Variants in SLC4A4 observed in about 807,000 individuals in gnomAD.
The protein encoded by SLC4A4 is electrogenic sodium bicarbonate cotransporter 1.
A neutral mutation model predicts 111.5 loss-of-function variants in SLC4A4; 27 were observed. That is an observed-to-expected ratio of 0.24 (90% confidence interval 0.18 to 0.33). The LOEUF (loss-of-function observed/expected upper bound fraction) is 0.33. SLC4A4 is among the 10% of genes least tolerant of loss of function. SLC4A4 has a pLI of 1.00. For synonymous variants in SLC4A4, 443 were observed against 463.4 expected, an observed-to-expected ratio of 0.96 and a Z score of 0.57; for missense variants, 909 against 1,315.5, an observed-to-expected ratio of 0.69 and a Z score of 4.78.
At chr4:71,097,689 AT>A (rs1225400147) in intron 2 of SLC4A4, among the ~76,000 whole-genome samples, 2 of 151,870 alleles carry the variant, frequency 1.3e-5, no homozygotes, top group Non-Finnish European at 1.5e-5. Flanking sequence ...AGCGTCTGTT[AT>A]TTTTTTGACT....
intron 9 of SLC4A4, among the ~76,000 whole-genome samples, 163 bp downstream of exon 9, chr4:71,447,896 T>C (rs1725377241): frequency 6.6e-6 from 1 of 152,206 alleles, no homozygotes; most frequent in African/African-American, 2.4e-5. Context: ...CCTATATGGT[T>C]TGCAAAAAGT....
At chr4:71,432,902 A>G (rs922568702) in intron 7 of SLC4A4, among the ~76,000 whole-genome samples, 1 of 152,058 alleles carries the variant, frequency 6.6e-6, no homozygotes, top group East Asian at 1.9e-4. Flanking sequence ...ACAACAATCC[A>G]TTGTATAAAA....
chr4:71,387,044 T>C (rs1436215213), intron 6 of SLC4A4, among the ~76,000 whole-genome samples: 1 of 152,236 alleles, frequency 6.6e-6, no homozygotes, highest in Non-Finnish European at 1.5e-5. Flanking sequence ...CTTTGGCTTC[T>C]GGGTATTCTG....
At chr4:71,261,308 C>T (rs961914435) in intron 3 of SLC4A4, among the ~76,000 whole-genome samples, 4 of 152,096 alleles carry the variant, frequency 2.6e-5, no homozygotes, top group Non-Finnish European at 4.4e-5. Context: ...TGAATTTAGT[C>T]GGCAGTTGTA....
rs1355033464 is a variant in SLC4A4, at chr4:71,571,525, A to G, written c.*3774A>G. 1.3e-5 allele frequency: 2 copies of G among 152,226 alleles called. No homozygotes were observed. The allele number at this position is 152,226 out of a possible 1,614,324, so 9.4% of individuals were successfully genotyped here. A position where few individuals can be genotyped will look rare whatever the true frequency, so the allele number is the denominator to read the frequency against. ...CAACCAGTCAAGTTGTGTTTTGGCC[A>G]GAGATTTAGATATGTCCAATTTCCT... is the stretch of plus-strand genomic sequence containing the variant. On this transcript the variant is annotated 3_prime_UTR_variant, in exon 26 of 26. Transcript: ENST00000264485.
chr4:71,371,855 AT>A (rs1311516808), intron 6 of SLC4A4, among the ~76,000 whole-genome samples: 1 of 152,160 alleles, frequency 6.6e-6, no homozygotes, highest in African/African-American at 2.4e-5. Context: ...TACAATACAC[AT>A]TTGTTGACCC....
intron 23 of SLC4A4, among the ~76,000 whole-genome samples, chr4:71,560,832 A>G (rs1736921053): frequency 2.0e-5 from 3 of 151,770 alleles, no homozygotes; most frequent in Admixed American, 2.0e-4. Context: ...GTCTTTTTAC[A>G]TAATTATAGT....
At chr4:71,088,980 G>C (rs1385523481) in intron 1 of SLC4A4, among the ~76,000 whole-genome samples, 2 of 152,068 alleles carry the variant, frequency 1.3e-5, no homozygotes, top group Non-Finnish European at 2.9e-5. Flanking sequence ...AGTTCTCATA[G>C]ACAATATCCT....
intron 2 of SLC4A4, among the ~76,000 whole-genome samples, chr4:71,170,463 AC>A (rs1744903819): frequency 6.6e-6 from 1 of 152,368 alleles, no homozygotes; most frequent in African/African-American, 2.4e-5. Flanking sequence ...ATAAAAGATG[AC>A]TTTTACATGA....
intron 16 of SLC4A4, among the ~76,000 whole-genome samples, chr4:71,526,003 C>T (rs1036555289): frequency 9.9e-5 from 15 of 151,850 alleles, no homozygotes; most frequent in Admixed American, 2.0e-4. Context: ...ATTTACAGAC[C>T]CCATTGTGTA....
intron 18 of SLC4A4, among the ~76,000 whole-genome samples, chr4:71,545,407 C>A (rs1392132413): frequency 1.3e-5 from 2 of 152,040 alleles, no homozygotes; most frequent in Non-Finnish European, 1.5e-5. Flanking sequence ...TGGTCATACT[C>A]TGGCTCTTGG....
At chr4:71,091,132 G>A (rs1742375334) in intron 1 of SLC4A4, among the ~76,000 whole-genome samples, 1 of 152,088 alleles carries the variant, frequency 6.6e-6, no homozygotes. Context: ...ATTTTTAGTA[G>A]AGATGAGGTT....
intron 1 of SLC4A4, among the ~76,000 whole-genome samples, chr4:71,196,154 T>C (rs941836864): frequency 6.6e-6 from 1 of 152,214 alleles, no homozygotes; most frequent in Non-Finnish European, 1.5e-5. Context: ...TTCAATTCCT[T>C]TGACCTCTGG....
intron 6 of SLC4A4, among the ~76,000 whole-genome samples, chr4:71,394,732 A>T (rs2148973674): frequency 6.6e-6 from 1 of 152,322 alleles, no homozygotes; most frequent in African/African-American, 2.4e-5. Context: ...ATAGGATGGA[A>T]TACTACTCAG....
intron 8 of SLC4A4, among the ~76,000 whole-genome samples, chr4:71,443,369 C>T (rs4487312): frequency 0.19 from 28,418 of 151,284 alleles, 3,011 homozygotes; most frequent in South Asian, 0.42. Flanking sequence ...AGGCTGGTCT[C>T]AAACTCCTGA....
intron 1 of SLC4A4, among the ~76,000 whole-genome samples, chr4:71,202,519 T>C (rs1025030119): frequency 2.0e-5 from 3 of 152,154 alleles, no homozygotes; most frequent in Non-Finnish European, 4.4e-5. Context: ...AAACACTCTT[T>C]TAAAATATCA....
chr4:71,467,999 A>G (rs1430722737), intron 13 of SLC4A4, among the ~76,000 whole-genome samples: 3 of 152,122 alleles, frequency 2.0e-5, no homozygotes, highest in Non-Finnish European at 4.4e-5. Flanking sequence ...TATGTGTGTT[A>G]TCAAAAATAG....
chr4:71,088,576 A>G (rs1362899573), intron 1 of SLC4A4, among the ~76,000 whole-genome samples: 1 of 151,922 alleles, frequency 6.6e-6, no homozygotes, highest in East Asian at 1.9e-4. Flanking sequence ...TGCTTCCTTC[A>G]GGAGCTCTTT....
chr4:71,478,291 G>T (rs1242645943), intron 14 of SLC4A4, among the ~76,000 whole-genome samples: 2 of 150,666 alleles, frequency 1.3e-5, no homozygotes, highest in African/African-American at 4.8e-5. Flanking sequence ...AAATCGTTCT[G>T]TAAGGACACA....
Sources: gnomAD v4.1 joint callset for allele counts (sites outside exome capture counted in the v4.1 genomes callset) on GRCh38, gnomAD v4.1.1 for gene constraint, MANE v1.5 for transcripts, NCBI Gene and HGNC (gene_info 2026-07-23, HGNC 2026-07-21) for gene names.